XKR4: variants seen among roughly 807,000 people sequenced by gnomAD.
The protein encoded by XKR4 is XK related 4, also known as XK-related protein 4.
In XKR4, 12 loss-of-function variants were observed where a neutral mutation model predicts 53.9. The ratio of observed to expected loss-of-function variants is 0.22; its 90% CI spans 0.14 to 0.36. The LOEUF is 0.36. Ranked by LOEUF, XKR4 falls within the 10% of genes least tolerant of loss-of-function variation. XKR4 has a pLI of 1.00. For missense variants in XKR4, 799 were observed against 859.5 expected (o/e 0.93, Z 0.88); for synonymous variants, 354 against 362.4 (o/e 0.98, Z 0.26).
At chr8:55,348,074 A>G (rs577729692) in intron 1 of XKR4, among the ~76,000 whole-genome samples, 1 of 152,324 alleles carries the variant, frequency 6.6e-6, no homozygotes, top group Non-Finnish European at 1.5e-5. Context: ...GTTTCTCAGT[A>G]GGATGGTGAC....
chr8:55,439,402 T>C (rs1286577326), intron 2 of XKR4, among the ~76,000 whole-genome samples: 1 of 151,320 alleles, frequency 6.6e-6, no homozygotes, highest in East Asian at 1.9e-4. Context: ...CCACCATGAG[T>C]GTGAGGCAGA....
intron 1 of XKR4, among the ~76,000 whole-genome samples, chr8:55,167,787 A>G (rs889840118): frequency 6.6e-6 from 1 of 152,214 alleles, no homozygotes. Context: ...GATTGAAAAG[A>G]AAAGAGGTGC....
intron 1 of XKR4, among the ~76,000 whole-genome samples, chr8:55,168,779 T>C (rs1817106532): frequency 1.3e-5 from 2 of 152,166 alleles, no homozygotes; most frequent in Non-Finnish European, 2.9e-5. Flanking sequence ...TCTCCCTTCA[T>C]TATGAGCAAG....
intron 1 of XKR4, among the ~76,000 whole-genome samples, chr8:55,167,403 G>A (rs1817084731): frequency 6.6e-6 from 1 of 152,158 alleles, no homozygotes; most frequent in South Asian, 2.1e-4. Flanking sequence ...TCCAGGCTCA[G>A]CTGTGAAGAC....
chr8:55,303,880 TTC>T (rs1317559846), intron 1 of XKR4, among the ~76,000 whole-genome samples: 3 of 152,216 alleles, frequency 2.0e-5, no homozygotes, highest in African/African-American at 7.2e-5. Flanking sequence ...TATTTGATTC[TTC>T]TCTCTTTTCT....
At chr8:55,139,809 A>G (rs1361697684) in intron 1 of XKR4, among the ~76,000 whole-genome samples, 1 of 152,156 alleles carries the variant, frequency 6.6e-6, no homozygotes, top group Non-Finnish European at 1.5e-5. Context: ...CAGCAGATGT[A>G]TTTAAAGTAT....
chr8:55,405,684 C>A (rs1251439216), intron 2 of XKR4, among the ~76,000 whole-genome samples: 1 of 152,210 alleles, frequency 6.6e-6, no homozygotes, highest in Non-Finnish European at 1.5e-5. Context: ...TTTGAAATTT[C>A]TTCAACTCCC....
At chr8:55,451,778 G>A (rs1805451815) in intron 2 of XKR4, 13 of 1,056,632 alleles carry the variant, frequency 1.2e-5, no homozygotes, top group Non-Finnish European at 1.6e-5. Context: ...AGGGGGCCCA[G>A]GCCAAGGCAC....
At chr8:55,188,271 T>G (rs1345725131) in intron 1 of XKR4, among the ~76,000 whole-genome samples, 1 of 152,224 alleles carries the variant, frequency 6.6e-6, no homozygotes, top group Non-Finnish European at 1.5e-5. Context: ...CTTACTCTTC[T>G]AAGTCTTAAC....
chr8:55,317,755 G>A (rs1803115419), intron 1 of XKR4, among the ~76,000 whole-genome samples: 1 of 152,128 alleles, frequency 6.6e-6, no homozygotes, highest in African/African-American at 2.4e-5. Context: ...ACAAAAGCAT[G>A]ATGTCAAGAA....
At chr8:55,251,161 T>C (rs2129369710) in intron 1 of XKR4, among the ~76,000 whole-genome samples, 1 of 144,204 alleles carries the variant, frequency 6.9e-6, no homozygotes, top group Admixed American at 6.8e-5. Flanking sequence ...GGTATAGATA[T>C]GCGTGTAGGT....
At chr8:55,466,605 T>C (rs1019972814) in intron 2 of XKR4, among the ~76,000 whole-genome samples, 1 of 145,656 alleles carries the variant, frequency 6.9e-6, no homozygotes, top group Non-Finnish European at 1.5e-5. Flanking sequence ...CTGCACATTG[T>C]GCACATGTAC....
intron 2 of XKR4, among the ~76,000 whole-genome samples, chr8:55,385,467 T>C (rs886660598): frequency 1.3e-5 from 2 of 152,250 alleles, no homozygotes; most frequent in African/African-American, 4.8e-5. Flanking sequence ...CGCTAAGCCA[T>C]ATGCTTCTGA....
chr8:55,159,095 T>C (rs1011526637), intron 1 of XKR4, among the ~76,000 whole-genome samples: 1 of 152,204 alleles, frequency 6.6e-6, no homozygotes, highest in Middle Eastern at 3.2e-3. Flanking sequence ...CAAGATTGAT[T>C]CATTCTGTTC....
chr8:55,443,530 T>TAA (rs751152509), intron 2 of XKR4, among the ~76,000 whole-genome samples: 750 of 73,984 alleles, frequency 0.01, 93 homozygotes, highest in East Asian at 0.027. Context: ...TCAGTTACAT[T>TAA]AAAAAAAAAA....
At chr8:55,504,620 G>A (rs75978075) in intron 2 of XKR4, among the ~76,000 whole-genome samples, 2,364 of 152,202 alleles carry the variant, frequency 0.016, 53 homozygotes, top group African/African-American at 0.054. Context: ...GAGTATTTGA[G>A]AAGGATTTAT....
intron 2 of XKR4, among the ~76,000 whole-genome samples, chr8:55,438,158 A>G (rs1449198210): frequency 6.6e-6 from 1 of 152,058 alleles, no homozygotes. Flanking sequence ...CAAAAAAAAA[A>G]GTTAACTAAG....
At chr8:55,439,072 A>T (rs1054102615) in intron 2 of XKR4, among the ~76,000 whole-genome samples, 2 of 152,228 alleles carry the variant, frequency 1.3e-5, no homozygotes, top group African/African-American at 4.8e-5. Flanking sequence ...CTCTGAGTAC[A>T]GAAGTAAATA....
intron 1 of XKR4, among the ~76,000 whole-genome samples, chr8:55,343,773 T>TAA (rs2129382502): frequency 6.6e-6 from 1 of 152,324 alleles, no homozygotes; most frequent in African/African-American, 2.4e-5. Flanking sequence ...CACTGTATTT[T>TAA]ATGTTTTCTA....
Sources: allele counts gnomAD v4.1 joint callset (sites outside exome capture counted in the v4.1 genomes callset), GRCh38; gene constraint gnomAD v4.1.1; transcripts MANE v1.5; gene names NCBI Gene and HGNC (gene_info 2026-07-23, HGNC 2026-07-21).